DYNAP: variants seen among roughly 807,000 people sequenced by gnomAD.
DYNAP encodes the protein dynactin-associated protein.
A neutral mutation model predicts 8.5 loss-of-function variants in DYNAP; 7 were observed. That is an observed-to-expected ratio of 0.82 (90% CI 0.47 to 1.54). The LOEUF is 1.54. DYNAP is among the 40% of genes most tolerant of loss of function. DYNAP has a pLI of 0.01. For synonymous variants in DYNAP, 77 were observed against 77.9 expected, an observed-to-expected ratio of 0.99 and a Z score of 0.06; for missense variants, 256 against 224.3, an observed-to-expected ratio of 1.14 and a Z score of -0.90.
At chr18:54,588,501 G>A (rs192043134), upstream of DYNAP, among the ~76,000 whole-genome samples, 10 of 152,124 alleles carry the variant, frequency 6.6e-5, no homozygotes, top group African/African-American at 1.2e-4. Context: ...CACCGCGCCC[G>A]GCCTCCAGTT....
chr18:54,579,165 T>C, the DYNAP span, among the ~76,000 whole-genome samples: 1 of 152,214 alleles, frequency 6.6e-6, no homozygotes, highest in Non-Finnish European at 1.5e-5. Context: ...TACTCTACAG[T>C]ACTAAAGGAA....
chr18:54,580,908 T>C, the DYNAP span, among the ~76,000 whole-genome samples: 1 of 152,222 alleles, frequency 6.6e-6, no homozygotes, highest in Admixed American at 6.5e-5. Flanking sequence ...TTTCAGATCA[T>C]GTAATTTTCC....
At chr18:54,588,568 A>G (rs894036632), upstream of DYNAP, among the ~76,000 whole-genome samples, 2 of 152,210 alleles carry the variant, frequency 1.3e-5, no homozygotes, top group Non-Finnish European at 2.9e-5. Flanking sequence ...TAAAATTTAT[A>G]AGTAAACTTT....
upstream of DYNAP, chr18:54,587,856 C>T (rs1910933652): frequency 2.5e-6 from 1 of 400,748 alleles, no homozygotes; most frequent in Middle Eastern, 3.1e-4. Flanking sequence ...AAATGGAATA[C>T]CAACTTCTAG....
the DYNAP span, among the ~76,000 whole-genome samples, chr18:54,581,398 G>A: frequency 1.3e-5 from 2 of 152,164 alleles, no homozygotes. Context: ...TGGATATCAA[G>A]GTTTTAATTG....
chr18:54,578,415 T>A, the DYNAP span, among the ~76,000 whole-genome samples: 1 of 152,248 alleles, frequency 6.6e-6, no homozygotes, highest in Non-Finnish European at 1.5e-5. Flanking sequence ...ATTTAATGTT[T>A]CATTTAATCA....
chr18:54,588,758 A>T (rs1245787124), upstream of DYNAP, among the ~76,000 whole-genome samples: 5 of 152,208 alleles, frequency 3.3e-5, no homozygotes, highest in African/African-American at 1.2e-4. Context: ...AAAAAATACA[A>T]TAAAGAACAT....
At chr18:54,588,025 G>T (rs2144883253), upstream of DYNAP, among the ~76,000 whole-genome samples, 1 of 152,156 alleles carries the variant, frequency 6.6e-6, no homozygotes. Flanking sequence ...CATTCTCTTT[G>T]ATTGAACAAA....
At chr18:54,592,276 GA>G (rs145118600) in intron 1 of DYNAP, among the ~76,000 whole-genome samples, 4 of 150,476 alleles carry the variant, frequency 2.7e-5, no homozygotes, top group South Asian at 2.1e-4. Context: ...TACTCAGATG[GA>G]AAAAAAAATT....
chr18:54,578,465 C>T, the DYNAP span, among the ~76,000 whole-genome samples: 1 of 152,116 alleles, frequency 6.6e-6, no homozygotes, highest in Non-Finnish European at 1.5e-5. Context: ...TGCCATCAGC[C>T]AACTAAAATA....
chr18:54,589,975 C>G (rs183548498), upstream of DYNAP, among the ~76,000 whole-genome samples: 356 of 152,126 alleles, frequency 2.3e-3, 4 homozygotes, highest in South Asian at 0.03. Context: ...TTATGTTTTT[C>G]TTTGTGTTTC....
upstream of DYNAP, among the ~76,000 whole-genome samples, chr18:54,585,487 G>A (rs1910844625): frequency 6.6e-6 from 1 of 151,952 alleles, no homozygotes; most frequent in African/African-American, 2.4e-5. Context: ...CCACTTCATG[G>A]TGGTCTTTGC....
chr18:54,590,476 T>G (rs1300114472), upstream of DYNAP, among the ~76,000 whole-genome samples: 5 of 152,184 alleles, frequency 3.3e-5, no homozygotes, highest in Non-Finnish European at 5.9e-5. Context: ...AAGAGAAATT[T>G]CAAAGATTAA....
chr18:54,594,959 C>A lies in DYNAP; in HGVS notation c.78C>A (p.Asp26Glu). 3.1e-6 allele frequency: 5 copies of A among 1,611,262 alleles called. No homozygotes were observed. The highest frequency in any genetic ancestry group is 4.2e-6 in the Non-Finnish European group (5 of 1,178,478). Residue 26 changes from aspartate (D) to glutamate (E), a missense_variant, in exon 2 of 3, where the codon GAC becomes GAA. Asp to Glu is a conservative substitution (Grantham distance 45, BLOSUM62 2). Coordinates refer to ENST00000648945, the MANE Select transcript of DYNAP (RefSeq NM_173629.3). ...TGTAGCCAATCACACATCCAAATGA[C>A]CAAGAGGCTCACAGTTCCATATGCT... The part of the protein sequence containing the change: ...ENQPPITHPN[D>E]QEAHSSICWC...
At chr18:54,589,264 C>T (rs1372417942), upstream of DYNAP, among the ~76,000 whole-genome samples, 2 of 152,184 alleles carry the variant, frequency 1.3e-5, no homozygotes, top group African/African-American at 4.8e-5. Context: ...CTCTCAAACA[C>T]ATGTCAGCCA....
Position 54,599,184 on chromosome 18 carries a change from A to G in DYNAP, c.*1039A>G, listed in dbSNP as rs1049483715. On this transcript the variant is annotated 3_prime_UTR_variant, in exon 3 of 3. Transcript: ENST00000648945. ...CTCAGGACCTCCTGAGGGCTATGTC[A>G]TGAGCCATGGTCACTCATATTTGGC... The G allele has an allele frequency of 7.2e-5, 11 of 152,152 alleles. No individual in the cohort carries two copies. The highest frequency in any genetic ancestry group is 2.7e-4 in the African/African-American group (11 of 41,452). 9.4% of individuals were successfully genotyped at this position (152,152 alleles called of 1,614,324 possible).
intron 2 of DYNAP, among the ~76,000 whole-genome samples, chr18:54,596,275 G>A (rs1054660499): frequency 1.3e-5 from 2 of 151,926 alleles, no homozygotes; most frequent in Non-Finnish European, 2.9e-5. Context: ...GTCTTGCCAT[G>A]TAGCCCAGGT....
chr18:54,582,074 C>G, the DYNAP span, among the ~76,000 whole-genome samples: 1 of 152,264 alleles, frequency 6.6e-6, no homozygotes, highest in East Asian at 1.9e-4. Flanking sequence ...ATCACGAGGT[C>G]AAGAGATCCA....
upstream of DYNAP, among the ~76,000 whole-genome samples, chr18:54,583,405 T>C (rs977798646): frequency 3.3e-5 from 5 of 152,138 alleles, no homozygotes; most frequent in Non-Finnish European, 7.4e-5. Context: ...AGTTTATAAA[T>C]CTCATGGGAA....
Sources: allele counts gnomAD v4.1 joint callset (sites outside exome capture counted in the v4.1 genomes callset), GRCh38; gene constraint gnomAD v4.1.1; transcripts MANE v1.5; gene names NCBI Gene and HGNC (gene_info 2026-07-23, HGNC 2026-07-21).